Variants in EIF4E3 observed in about 807,000 individuals in gnomAD.
EIF4E3 encodes eukaryotic translation initiation factor 4E family member 3.
A neutral mutation model predicts 31.7 loss-of-function variants in EIF4E3; 26 were observed. That is an observed-to-expected ratio of 0.82 (90% CI 0.60 to 1.14). The LOEUF (loss-of-function observed/expected upper bound fraction) is 1.14. EIF4E3 is among the 50% of genes most tolerant of loss of function. The probability of loss-of-function intolerance (pLI) is 0.00; values close to 1 mark genes in which losing one functional copy is unlikely to be tolerated. For synonymous variants in EIF4E3, 128 were observed against 107.7 expected (o/e 1.19, Z -1.17); for missense variants, 304 against 270.9 (o/e 1.12, Z -0.86).
At chr3:71,693,589 A>C (rs909759815) in intron 5 of EIF4E3, among the ~76,000 whole-genome samples, 1 of 152,188 alleles carries the variant, frequency 6.6e-6, no homozygotes, top group Non-Finnish European at 1.5e-5. Context: ...TTTTGGACAG[A>C]TGGTTATAGA....
chr3:71,699,855 T>C, intron 2 of EIF4E3, 147 bp from the exon 3 acceptor site: 1 of 649,706 alleles, frequency 1.5e-6, no homozygotes, highest in Non-Finnish European at 2.6e-6. Context: ...TCCCTTCTAA[T>C]TCTCTGTTAG....
chr3:71,671,952 GCAGAA>G (rs914866679), downstream of EIF4E3, among the ~76,000 whole-genome samples: 2 of 152,110 alleles, frequency 1.3e-5, no homozygotes, highest in African/African-American at 2.4e-5. Flanking sequence ...TGGATGCTCC[GCAGAA>G]CAGGAGGATG....
At position 71,677,229 on chromosome 3, in the gene EIF4E3, T is replaced by C. The variant is rs2048881104; in HGVS notation, c.*7453A>G. The C allele has an allele frequency of 6.6e-6, 1 of 152,244 alleles. No individual in the cohort carries two copies. The allele number at this position is 152,244 out of a possible 1,614,324, so 9.4% of individuals were successfully genotyped here. A position where few individuals can be genotyped will look rare whatever the true frequency, so the allele number is the denominator to read the frequency against. On this transcript the variant is annotated 3_prime_UTR_variant, in exon 7 of 7. Transcript: ENST00000425534. ...CCAGATGATGGGAAATAGAAACATA[T>C]TTTAATGACATATATTTTAACTTGC... is the stretch of plus-strand genomic sequence containing the variant.
Position 71,677,444 on chromosome 3 carries a change from T to C in EIF4E3, c.*7238A>G, listed in dbSNP as rs909336103. Reference sequence around the variant, plus strand: ...GCATGGTCTTGGCTTCCAAGAAAACTGTACGTTAGGTGACAAGGCAGAGGA... The same window carrying C: ...GCATGGTCTTGGCTTCCAAGAAAACCGTACGTTAGGTGACAAGGCAGAGGA... On this transcript the variant is annotated 3_prime_UTR_variant, in exon 7 of 7. Coordinates refer to ENST00000425534, the MANE Select transcript of EIF4E3 (RefSeq NM_001134651.2). The C allele has an allele frequency of 1.3e-5, 2 of 152,024 alleles. No individual in the cohort carries two copies. Among genetic ancestry groups the C allele is most frequent in the African/African-American group, 4.8e-5 (2 of 41,388 alleles). 9.4% of individuals were successfully genotyped at this position (152,024 alleles called of 1,614,324 possible).
intron 1 of EIF4E3, among the ~76,000 whole-genome samples, chr3:71,738,329 TA>T (rs1361723083): frequency 3.9e-5 from 6 of 152,246 alleles, no homozygotes; most frequent in South Asian, 4.1e-4. Flanking sequence ...CTTAGACTTT[TA>T]CCCCCACCAG....
chr3:71,700,301 T>A (rs1315445930), intron 2 of EIF4E3, among the ~76,000 whole-genome samples: 1 of 152,196 alleles, frequency 6.6e-6, no homozygotes, highest in African/African-American at 2.4e-5. Flanking sequence ...TGTCTACACA[T>A]AAAACTGGAA....
upstream of EIF4E3, chr3:71,753,938 C>G: frequency 2.0e-6 from 2 of 1,011,646 alleles, no homozygotes; most frequent in Non-Finnish European, 2.4e-6. Context: ...CCCCGCAGGA[C>G]GGGGAGCTCG....
Position 71,710,029 on chromosome 3 carries a change from G to A in EIF4E3, c.249+383C>T, listed in dbSNP as rs368912537. 2.2e-4 allele frequency among the ~76,000 whole-genome samples: 34 copies of A among 151,276 alleles called. No homozygotes were observed. The East Asian group carries it at 5.8e-3, about 26-fold the overall frequency. ...CCTTTAGTAACCCTGCAGGGAAGGC[G>A]CCACTGCCTCTCACTGATGGGGAAC... On this transcript the variant is annotated intron_variant, in intron 2 of 6. Coordinates refer to ENST00000425534, the MANE Select transcript of EIF4E3 (RefSeq NM_001134651.2).
the EIF4E3 span, among the ~76,000 whole-genome samples, chr3:71,669,579 G>T: frequency 6.6e-6 from 1 of 152,052 alleles, no homozygotes; most frequent in African/African-American, 2.4e-5. Context: ...ATTGAGATTT[G>T]TTAGAAGGGG....
chr3:71,686,543 AGTGTGT>A (rs61264269), intron 6 of EIF4E3, among the ~76,000 whole-genome samples: 1,575 of 143,590 alleles, frequency 0.011, 20 homozygotes, highest in African/African-American at 0.031. Context: ...TTTCACATTG[AGTGTGT>A]GTGTGTGTGT....
chr3:71,719,631 T>C (rs1295890080), intron 1 of EIF4E3, among the ~76,000 whole-genome samples: 1 of 151,970 alleles, frequency 6.6e-6, no homozygotes, highest in Non-Finnish European at 1.5e-5. Flanking sequence ...GGAAGTTAGA[T>C]CTATCCAAGG....
At chr3:71,751,146 C>T (rs920758689) in intron 1 of EIF4E3, among the ~76,000 whole-genome samples, 2 of 151,974 alleles carry the variant, frequency 1.3e-5, no homozygotes, top group African/African-American at 2.4e-5. Context: ...GATAGGAGGA[C>T]GGCCTGAGCC....
At chr3:71,734,190 A>T (rs959836885) in intron 1 of EIF4E3, among the ~76,000 whole-genome samples, 1 of 152,224 alleles carries the variant, frequency 6.6e-6, no homozygotes, top group Non-Finnish European at 1.5e-5. Flanking sequence ...CCAGAGGCTA[A>T]AAAGATGCAC....
chr3:71,684,596 G>T lies in EIF4E3; in HGVS notation c.*86C>A, dbSNP rs1043919372. On this transcript the variant is annotated 3_prime_UTR_variant, in exon 7 of 7. Coordinates refer to ENST00000425534, the MANE Select transcript of EIF4E3 (RefSeq NM_001134651.2). ...CTCTAAATTGACCAGCATCGGCTTC[G>T]GCAAGTCTTCTCTTCACTCTCCCTC... The T allele has an allele frequency of 6.5e-7, 1 of 1,543,444 alleles. No homozygotes were observed. The highest frequency in any genetic ancestry group is 8.9e-7 in the Non-Finnish European group (1 of 1,121,952).
chr3:71,724,767 G>A (rs775366896), intron 1 of EIF4E3, among the ~76,000 whole-genome samples: 11 of 152,156 alleles, frequency 7.2e-5, no homozygotes, highest in Non-Finnish European at 1.6e-4. Context: ...CAACTTTTCC[G>A]AGCGCTGTCA....
At chr3:71,661,952 C>T in the EIF4E3 span, among the ~76,000 whole-genome samples, 1 of 152,134 alleles carries the variant, frequency 6.6e-6, no homozygotes, top group Non-Finnish European at 1.5e-5. Context: ...AGCTAAGTCA[C>T]CTTGGACAAG....
In EIF4E3 at chr3:71,684,724, A is replaced by G. The variant is rs1006633446; in HGVS notation, c.633T>C (p.His211=). The G allele has an allele frequency of 3.7e-6, 6 of 1,613,980 alleles. No individual in the cohort carries two copies. Among genetic ancestry groups the G allele is most frequent in the African/African-American group, 1.3e-5 (1 of 74,898 alleles). ...ITFKAVFYKP[H]EEHHAFEGGR... ...CACCTTCAAAAGCATGATGCTCTTC[A>G]TGGGCTAAAGGACAGAAAAAAAACA... The change falls in exon 7 of 7, where the codon CAT becomes CAC. Residue 211 remains histidine, a synonymous_variant. Coordinates refer to ENST00000425534, the MANE Select transcript of EIF4E3 (RefSeq NM_001134651.2).
chr3:71,662,493 G>A, the EIF4E3 span, among the ~76,000 whole-genome samples: 4 of 152,298 alleles, frequency 2.6e-5, no homozygotes, highest in East Asian at 5.8e-4. Flanking sequence ...ACTTATATGC[G>A]AAAAGCATGC....
intron 1 of EIF4E3, among the ~76,000 whole-genome samples, chr3:71,714,130 T>C (rs2049423518): frequency 6.6e-6 from 1 of 151,976 alleles, no homozygotes; most frequent in Non-Finnish European, 1.5e-5. Flanking sequence ...GAGAATCGTT[T>C]GAACCTGGGA....
Sources: gnomAD v4.1 joint callset for allele counts (sites outside exome capture counted in the v4.1 genomes callset) on GRCh38, gnomAD v4.1.1 for gene constraint, MANE v1.5 for transcripts, NCBI Gene and HGNC (gene_info 2026-07-23, HGNC 2026-07-21) for gene names.